ELAPOR2: variants seen among roughly 807,000 people sequenced by gnomAD.
The protein encoded by ELAPOR2 is endosome/lysosome-associated apoptosis and autophagy regulator family member 2.
In ELAPOR2, 89 loss-of-function variants were observed where a neutral mutation model predicts 120.7. The ratio of observed to expected loss-of-function variants is 0.74; its 90% CI spans 0.62 to 0.88. ELAPOR2 has a LOEUF of 0.88. Among genes scored for constraint, ELAPOR2 ranks in the 40% least tolerant of loss-of-function variants. The pLI is 0.00. For synonymous variants in ELAPOR2, 444 were observed against 444.9 expected (o/e 1.00, Z 0.03); for missense variants, 1,134 against 1,251.6 (o/e 0.91, Z 1.42).
At chr7:87,048,450 A>G (rs1325893951) in intron 1 of ELAPOR2, among the ~76,000 whole-genome samples, 1 of 152,126 alleles carries the variant, frequency 6.6e-6, no homozygotes, top group Non-Finnish European at 1.5e-5. Flanking sequence ...ATAGACAGAG[A>G]GATTAGAAGA....
rs1052955117 is a variant in ELAPOR2 at position 86,944,796 on chromosome 7, A to C, written c.654+103T>G. The C allele has an allele frequency of 1.5e-4, 144 of 968,148 alleles. No homozygotes were observed. The African/African-American group carries it at 2.3e-3, about 15-fold the overall frequency. 60.0% of individuals were successfully genotyped at this position (968,148 alleles called of 1,614,324 possible). On this transcript the variant is annotated intron_variant, in intron 4 of 21. Coordinates refer to ENST00000450689, the MANE Select transcript of ELAPOR2 (RefSeq NM_001142749.3). ...AGGTTCAGTTAACACACACACACAA[A>C]AAAAAAACTGAGGAGGAATAAAGTG...
At position 86,940,072 on chromosome 7, in the gene ELAPOR2, G is replaced by A. The variant is rs749052281; in HGVS notation, c.785C>T (p.Thr262Ile). 4 of 1,612,388 alleles carry A rather than the reference G, an allele frequency of 2.5e-6. No homozygotes were observed. Among genetic ancestry groups the A allele is most frequent in the Non-Finnish European group, 3.4e-6 (4 of 1,178,906 alleles). Residue 262 changes from threonine to isoleucine, a missense_variant, in exon 6 of 22, where the codon ACA becomes ATA. This residue lies in a region of ELAPOR2 where 280 missense variants were observed against 331.5 expected (regional missense o/e 0.84). Coordinates refer to ENST00000450689, the MANE Select transcript of ELAPOR2 (RefSeq NM_001142749.3). ...CGCCTTAGAACCCATAAGGATGCCTGTAGTTCTCCAGTAGAGTATGTTTGT... is the reference window on the plus strand; with the variant it reads ...CGCCTTAGAACCCATAAGGATGCCTATAGTTCTCCAGTAGAGTATGTTTGT... ...SGTNILYWRTTGILMGSKAVK... is the reference protein window; with the variant it reads ...SGTNILYWRTIGILMGSKAVK...
At chr7:86,944,032 C>T (rs1790903906) in intron 4 of ELAPOR2, among the ~76,000 whole-genome samples, 1 of 151,952 alleles carries the variant, frequency 6.6e-6, no homozygotes, top group African/African-American at 2.4e-5. Flanking sequence ...CTCTTGCTAC[C>T]AAACTTCTGA....
At chr7:87,029,875 T>C (rs1194679249) in intron 1 of ELAPOR2, among the ~76,000 whole-genome samples, 1 of 151,588 alleles carries the variant, frequency 6.6e-6, no homozygotes, top group Non-Finnish European at 1.5e-5. Flanking sequence ...TAACAATGAG[T>C]GACACAACAT....
intron 10 of ELAPOR2, among the ~76,000 whole-genome samples, chr7:86,924,394 C>T (rs898166582): frequency 6.6e-5 from 10 of 151,850 alleles, no homozygotes; most frequent in Admixed American, 1.3e-4. Context: ...CACACACACA[C>T]ACACACACAC....
Position 86,918,228 on chromosome 7 carries a change from A to G in ELAPOR2, c.1593+214T>C, listed in dbSNP as rs974071287. Reference sequence around the variant, plus strand: ...CAAGCTCCCTCACTTAGTCTTTCCCATGAGGAATAAACACTTTATTTGTGG... The same window carrying G: ...CAAGCTCCCTCACTTAGTCTTTCCCGTGAGGAATAAACACTTTATTTGTGG... On this transcript the variant is annotated intron_variant, in intron 12 of 21. Coordinates refer to ENST00000450689, the MANE Select transcript of ELAPOR2 (RefSeq NM_001142749.3). 2.0e-5 allele frequency among the ~76,000 whole-genome samples: 3 copies of G among 149,848 alleles called. No individual in the cohort carries two copies. In the Admixed American group the frequency reaches 2.0e-4, roughly 10 times the overall value.
chr7:86,922,536 T>C (rs1013541878), intron 10 of ELAPOR2, among the ~76,000 whole-genome samples: 1 of 151,958 alleles, frequency 6.6e-6, no homozygotes, highest in Non-Finnish European at 1.5e-5. Flanking sequence ...TACATGTTTT[T>C]ACATCACTGA....
intron 8 of ELAPOR2, among the ~76,000 whole-genome samples, chr7:86,937,446 A>G (rs1193362464): frequency 6.6e-6 from 1 of 152,106 alleles, no homozygotes; most frequent in Non-Finnish European, 1.5e-5. Flanking sequence ...AGCCACTTTG[A>G]TCTCAGTTTC....
intron 1 of ELAPOR2, among the ~76,000 whole-genome samples, chr7:87,058,113 A>C (rs1795317821): frequency 1.3e-5 from 2 of 152,222 alleles, no homozygotes; most frequent in East Asian, 3.8e-4. Flanking sequence ...TTCGCACACA[A>C]GCCTTTGATC....
At position 86,891,806 on chromosome 7, in the gene ELAPOR2, A is replaced by T; in HGVS notation, c.2948T>A (p.Met983Lys). The T allele has an allele frequency of 6.2e-7, 1 of 1,612,334 alleles. No individual in the cohort carries two copies. Among genetic ancestry groups the T allele is most frequent in the Non-Finnish European group, 8.5e-7 (1 of 1,178,886 alleles). The change falls in exon 21 of 22, where the codon ATG (methionine) becomes AAG (lysine). Residue 983 changes from methionine (M) to lysine (K), a missense_variant. Transcript: ENST00000450689. ...ELPAADSCAIMEGEDNEEEVV... is the reference protein window; with the variant it reads ...ELPAADSCAIKEGEDNEEEVV... ...TTCCTCTTCATTATCTTCTCCTTCCATGATAGCACAACTGTCTGCAGCCGG... is the reference window on the plus strand; with the variant it reads ...TTCCTCTTCATTATCTTCTCCTTCCTTGATAGCACAACTGTCTGCAGCCGG...
chr7:86,891,611 C>A, intron 21 of ELAPOR2, 113 bp downstream of exon 21: 1 of 768,080 alleles, frequency 1.3e-6, no homozygotes. Context: ...TGGATAAATA[C>A]CCACTGAGAT....
chr7:87,017,134 C>T (rs1475282695), intron 1 of ELAPOR2, among the ~76,000 whole-genome samples: 3 of 152,176 alleles, frequency 2.0e-5, no homozygotes, highest in Admixed American at 6.5e-5. Flanking sequence ...GAAAAGACAT[C>T]CAATCCTCAG....
chr7:86,993,510 A>G (rs1793021561), intron 1 of ELAPOR2, among the ~76,000 whole-genome samples: 1 of 152,208 alleles, frequency 6.6e-6, no homozygotes, highest in African/African-American at 2.4e-5. Flanking sequence ...AGAATTAGCC[A>G]TCTAGGTTAT....
chr7:87,056,187 A>G (rs1290941473), intron 1 of ELAPOR2, among the ~76,000 whole-genome samples: 4 of 152,202 alleles, frequency 2.6e-5, no homozygotes, highest in Non-Finnish European at 5.9e-5. Context: ...ACTCTTCCCA[A>G]AATATCAGGA....
At chr7:87,057,758 C>T (rs558865664) in intron 1 of ELAPOR2, among the ~76,000 whole-genome samples, 28 of 152,142 alleles carry the variant, frequency 1.8e-4, no homozygotes, top group Non-Finnish European at 2.9e-4. Flanking sequence ...GTTGTAGAGA[C>T]CAAAGGCATC....
At chr7:86,897,767 A>G (rs1292805288) in intron 18 of ELAPOR2, 135 bp from the exon 19 acceptor site, 1 of 940,698 alleles carries the variant, frequency 1.1e-6, no homozygotes, top group Admixed American at 2.5e-5. Flanking sequence ...AAGTGGAAAA[A>G]AGTCTAAAAG....
At chr7:86,945,794 A>C (rs2116373611) in intron 3 of ELAPOR2, among the ~76,000 whole-genome samples, 1 of 152,302 alleles carries the variant, frequency 6.6e-6, no homozygotes, top group Admixed American at 6.5e-5. Context: ...ACCACAGCAG[A>C]AAAAAATAAT....
At chr7:87,002,342 G>A (rs1002737318) in intron 1 of ELAPOR2, among the ~76,000 whole-genome samples, 1 of 152,138 alleles carries the variant, frequency 6.6e-6, no homozygotes, top group African/African-American at 2.4e-5. Flanking sequence ...GAAAGCAATG[G>A]GGTAGAGGGA....
chr7:86,987,509 A>G (rs1235632952), intron 1 of ELAPOR2, among the ~76,000 whole-genome samples: 6 of 152,192 alleles, frequency 3.9e-5, no homozygotes, highest in Non-Finnish European at 7.3e-5. Context: ...AGAAAAAAAC[A>G]AACAACCCTA....
Sources: allele counts gnomAD v4.1 joint callset (sites outside exome capture counted in the v4.1 genomes callset), GRCh38; gene constraint gnomAD v4.1.1; regional missense constraint gnomAD v4.1.1; transcripts MANE v1.5; gene names NCBI Gene and HGNC (gene_info 2026-07-23, HGNC 2026-07-21).